The following SHROOM3 variants were observed in gnomAD, a reference collection of about 807,000 sequenced individuals.
The protein encoded by SHROOM3 is shroom family member 3, also known as protein Shroom3.
A neutral mutation model predicts 138.6 loss-of-function variants in SHROOM3; 47 were observed. The observed-to-expected ratio is 0.34, with a 90% CI of 0.27 to 0.43. SHROOM3 has a LOEUF of 0.43. Among genes scored for constraint, SHROOM3 ranks in the 20% least tolerant of loss-of-function variants. The pLI is 1.00. For synonymous variants in SHROOM3, 1,062 were observed against 1,063.3 expected (o/e 1.00, Z 0.02); for missense variants, 2,491 against 2,596.5 (o/e 0.96, Z 0.88).
chr4:76,451,051 G>A (rs556089912), intron 1 of SHROOM3, among the ~76,000 whole-genome samples: 6 of 152,002 alleles, frequency 3.9e-5, no homozygotes, highest in African/African-American at 1.4e-4. Context: ...CTGGGTTCAC[G>A]CCATTCTCCT....
intron 2 of SHROOM3, among the ~76,000 whole-genome samples, chr4:76,637,182 A>AT (rs1342984617): frequency 6.6e-6 from 1 of 152,218 alleles, no homozygotes; most frequent in Non-Finnish European, 1.5e-5. Context: ...TATTTCTATG[A>AT]TATATACTCC....
At chr4:76,449,933 A>G (rs1162781814) in intron 1 of SHROOM3, among the ~76,000 whole-genome samples, 4 of 152,236 alleles carry the variant, frequency 2.6e-5, no homozygotes, top group Non-Finnish European at 5.9e-5. Context: ...GGTGAGGAAG[A>G]TAAGTGTTTT....
At chr4:76,633,970 A>G (rs968960731) in intron 2 of SHROOM3, among the ~76,000 whole-genome samples, 7 of 152,324 alleles carry the variant, frequency 4.6e-5, no homozygotes, top group African/African-American at 1.7e-4. Context: ...GCATTGAGCT[A>G]GAATGGAAAA....
intron 1 of SHROOM3, among the ~76,000 whole-genome samples, chr4:76,495,345 A>G (rs1731942425): frequency 6.6e-6 from 1 of 152,216 alleles, no homozygotes; most frequent in African/African-American, 2.4e-5. Flanking sequence ...AAAAAAAATG[A>G]GGTTACATAC....
intron 1 of SHROOM3, among the ~76,000 whole-genome samples, chr4:76,463,104 A>T (rs1268692797): frequency 6.6e-6 from 1 of 152,192 alleles, no homozygotes; most frequent in Non-Finnish European, 1.5e-5. Flanking sequence ...AACTTCCTAG[A>T]GACTTAGTGA....
At position 76,754,619 on chromosome 4, in the gene SHROOM3, C is replaced by T. The variant is rs142417436; in HGVS notation, c.4136C>T (p.Pro1379Leu). 1.0e-4 allele frequency: 166 copies of T among 1,614,026 alleles called. No homozygotes were observed. The highest frequency in any genetic ancestry group is 1.5e-4 in the South Asian group (14 of 91,078). The change falls in exon 7 of 11, where the codon CCG becomes CTG. Residue 1379 changes from proline (P) to leucine (L), a missense_variant. Around this residue, in one of 4 missense-constraint regions of SHROOM3, gnomAD observed 1,733 missense variants for 1,661.6 expected, o/e 1.04. Coordinates refer to ENST00000296043, the MANE Select transcript of SHROOM3 (RefSeq NM_020859.4). ...GGTCAGACAGGGCGACAGCCTCTCC[C>T]GCCCTACACCCCTGCCATGATGCAC... ...QDGQTGRQPL[P>L]PYTPAMMHRS...
intron 2 of SHROOM3, among the ~76,000 whole-genome samples, chr4:76,588,968 A>G (rs1196263150): frequency 1.3e-5 from 2 of 152,204 alleles, no homozygotes; most frequent in Non-Finnish European, 2.9e-5. Flanking sequence ...ATACTTTCAT[A>G]CAAATGGATG....
intron 2 of SHROOM3, among the ~76,000 whole-genome samples, chr4:76,601,931 AAAC>A (rs1734515518): frequency 6.6e-6 from 1 of 152,340 alleles, no homozygotes; most frequent in South Asian, 2.1e-4. Flanking sequence ...GACTGCAAAA[AAAC>A]AACAACCAGG....
intron 2 of SHROOM3, among the ~76,000 whole-genome samples, chr4:76,669,258 G>C (rs1390740671): frequency 6.6e-6 from 1 of 152,120 alleles, no homozygotes; most frequent in Non-Finnish European, 1.5e-5. Context: ...TAACTCTTTT[G>C]TATGTAGCTG....
chr4:76,674,525 CTT>C lies in SHROOM3; in HGVS notation c.324-35629_324-35628del, dbSNP rs1204632412. ...AATTTATTTTCTTCTCTCTCTTTCT[CTT>C]TCTTTCTTTCTTTCCTTCCTTCCTT... On this transcript the variant is annotated intron_variant, in intron 2 of 10. Transcript: ENST00000296043. Among the ~76,000 whole-genome samples, 6 of 135,864 alleles carry C rather than the reference CTT, an allele frequency of 4.4e-5. No individual in the cohort carries two copies. In the East Asian group the frequency reaches 1.3e-3, roughly 29 times the overall value. 89.1% of individuals were successfully genotyped at this position (135,864 alleles called of 152,430 possible).
chr4:76,724,795 A>T (rs1720651894), intron 3 of SHROOM3, among the ~76,000 whole-genome samples: 1 of 152,224 alleles, frequency 6.6e-6, no homozygotes, highest in Non-Finnish European at 1.5e-5. Flanking sequence ...CATTATATGG[A>T]TATACCACAC....
chr4:76,763,183 C>T (rs577478084), intron 9 of SHROOM3, among the ~76,000 whole-genome samples: 5 of 151,988 alleles, frequency 3.3e-5, no homozygotes, highest in African/African-American at 7.2e-5. Flanking sequence ...CCCAGGAGTT[C>T]GAGACCAGCC....
At chr4:76,649,802 A>G (rs1287861655) in intron 2 of SHROOM3, among the ~76,000 whole-genome samples, 2 of 152,218 alleles carry the variant, frequency 1.3e-5, no homozygotes, top group Non-Finnish European at 2.9e-5. Flanking sequence ...TAATTAGCAC[A>G]ACCTTGGTAG....
At chr4:76,687,203 T>C (rs1465375412) in intron 2 of SHROOM3, among the ~76,000 whole-genome samples, 1 of 152,254 alleles carries the variant, frequency 6.6e-6, no homozygotes, top group Non-Finnish European at 1.5e-5. Flanking sequence ...AGACTGGCCA[T>C]GCACACCCTT....
At chr4:76,683,767 A>G (rs981096849) in intron 2 of SHROOM3, among the ~76,000 whole-genome samples, 3 of 152,366 alleles carry the variant, frequency 2.0e-5, no homozygotes, top group East Asian at 3.9e-4. Flanking sequence ...GAACTACTTT[A>G]GAACCCAGGA....
At chr4:76,677,504 A>G (rs915133467) in intron 2 of SHROOM3, among the ~76,000 whole-genome samples, 3 of 152,220 alleles carry the variant, frequency 2.0e-5, no homozygotes, top group Admixed American at 2.0e-4. Context: ...ATAAATAACC[A>G]GGCGAGGTGA....
chr4:76,491,245 C>T (rs994002906), intron 1 of SHROOM3, among the ~76,000 whole-genome samples: 1 of 152,210 alleles, frequency 6.6e-6, no homozygotes, highest in Non-Finnish European at 1.5e-5. Flanking sequence ...AATCCAAGAT[C>T]TCCAGAGTAG....
At chr4:76,773,180 G>C (rs558960672) in intron 10 of SHROOM3, among the ~76,000 whole-genome samples, 1 of 152,002 alleles carries the variant, frequency 6.6e-6, no homozygotes, top group Non-Finnish European at 1.5e-5. Flanking sequence ...TTCAAGACCA[G>C]CCTGGCCAAC....
At chr4:76,620,835 G>A (rs569443417) in intron 2 of SHROOM3, among the ~76,000 whole-genome samples, 8 of 152,218 alleles carry the variant, frequency 5.3e-5, no homozygotes, top group Admixed American at 1.3e-4. Context: ...TTGTAGTGAG[G>A]AGGCATTTCT....
Sources: allele counts gnomAD v4.1 joint callset (sites outside exome capture counted in the v4.1 genomes callset), GRCh38; gene constraint gnomAD v4.1.1; regional missense constraint gnomAD v4.1.1; transcripts MANE v1.5; gene names NCBI Gene and HGNC (gene_info 2026-07-23, HGNC 2026-07-21).